Variants in SCN7A observed in about 807,000 individuals in gnomAD.
SCN7A encodes the protein sodium channel protein type 7 subunit alpha.
In SCN7A, 138 loss-of-function variants were observed where a neutral mutation model predicts 155.2. That is an observed-to-expected ratio of 0.89 (90% CI 0.77 to 1.02). The LOEUF is 1.02. Ranked by LOEUF, SCN7A falls within the 50% of genes least tolerant of loss-of-function variation. The probability of loss-of-function intolerance (pLI) is 0.00; values close to 1 mark genes in which losing one functional copy is unlikely to be tolerated. For synonymous variants in SCN7A, 693 were observed against 649.0 expected, an observed-to-expected ratio of 1.07 and a Z score of -1.03; for missense variants, 2,058 against 1,986.6, an observed-to-expected ratio of 1.04 and a Z score of -0.68.
intron 1 of SCN7A, among the ~76,000 whole-genome samples, chr2:166,491,044 G>A (rs954909703): frequency 1.3e-5 from 2 of 152,124 alleles, no homozygotes; most frequent in Admixed American, 6.6e-5. Flanking sequence ...AGACCATGTC[G>A]CCTCTGGGAG....
chr2:166,422,998 T>C (rs569803527), intron 19 of SCN7A, among the ~76,000 whole-genome samples: 19 of 152,284 alleles, frequency 1.2e-4, no homozygotes, highest in African/African-American at 4.3e-4. Context: ...ATCAAGATAC[T>C]GTGCAACAAA....
chr2:166,411,896 G>C (rs1011642776), intron 23 of SCN7A, among the ~76,000 whole-genome samples: 3 of 151,972 alleles, frequency 2.0e-5, no homozygotes, highest in African/African-American at 7.2e-5. Context: ...GACTTTTTTG[G>C]AAGGCTTCCC....
In SCN7A at chr2:166,421,226, C is replaced by A; in HGVS notation, c.3099G>T (p.Arg1033=). 1 of 1,534,874 alleles carries A rather than the reference C, an allele frequency of 6.5e-7. No individual in the cohort carries two copies. The highest frequency in any genetic ancestry group is 8.8e-7 in the Non-Finnish European group (1 of 1,141,228). ...LKPLISMKFL[R]PLRVLSQFER... ...CAAATTGAGATAGAACTCTGAGGGG[C>A]CGAAGGAATTTCATGGAAATAAGAG... The change falls in exon 20 of 26, where the codon CGG becomes CGT. Residue 1033 remains arginine, a synonymous_variant. Transcript: ENST00000643258.
chr2:166,418,035 G>A (rs1249601669), intron 20 of SCN7A, among the ~76,000 whole-genome samples: 3 of 151,634 alleles, frequency 2.0e-5, no homozygotes, highest in Non-Finnish European at 4.4e-5. Flanking sequence ...TACGGCAAAT[G>A]CAAATCAGTT....
chr2:166,478,055 G>A (rs1702841200), intron 2 of SCN7A, among the ~76,000 whole-genome samples: 1 of 151,706 alleles, frequency 6.6e-6, no homozygotes, highest in Non-Finnish European at 1.5e-5. Context: ...TTCCCTGTGA[G>A]ACATATTTAA....
intron 21 of SCN7A, among the ~76,000 whole-genome samples, chr2:166,413,792 G>A (rs534974719): frequency 2.0e-5 from 3 of 150,352 alleles, no homozygotes; most frequent in Non-Finnish European, 3.0e-5. Flanking sequence ...TAGCCTCCCA[G>A]CCTATATTTT....
intron 16 of SCN7A, among the ~76,000 whole-genome samples, chr2:166,431,035 A>T (rs1301295807): frequency 6.6e-6 from 1 of 152,106 alleles, no homozygotes; most frequent in African/African-American, 2.4e-5. Flanking sequence ...ATTTACAGTT[A>T]TTTTAAGTTA....
chr2:166,466,715 T>C (rs1016240647), intron 7 of SCN7A, among the ~76,000 whole-genome samples: 8 of 152,036 alleles, frequency 5.3e-5, no homozygotes, highest in Non-Finnish European at 8.8e-5. Context: ...GCTCTCTTAT[T>C]TGCTAGTCTG....
rs769476897 is a variant in SCN7A, at chr2:166,406,501, G to A, written c.4128C>T (p.Ser1376=). ...FHNLMLPLML[S]LPALLNIILL... is the part of the protein sequence containing the mutation. ...GAATGATGTTCAATAATGCTGGGAG[G>A]GACAGCATCAAAGGAAGCATCAGAT... Residue 1376 remains serine (S), a synonymous_variant, in exon 26 of 26, where the codon TCC becomes TCT. Coordinates refer to ENST00000643258, the MANE Select transcript of SCN7A (RefSeq NM_002976.4). 3 of 1,612,686 alleles carry A rather than the reference G, an allele frequency of 1.9e-6. No individual in the cohort carries two copies. The highest frequency in any genetic ancestry group is 2.5e-6 in the Non-Finnish European group (3 of 1,179,196).
At chr2:166,438,058 G>A (rs1371386567) in intron 15 of SCN7A, among the ~76,000 whole-genome samples, 1 of 152,168 alleles carries the variant, frequency 6.6e-6, no homozygotes, top group Non-Finnish European at 1.5e-5. Context: ...GGAAGGGCCA[G>A]GGGTGGAATG....
chr2:166,429,123 T>C, intron 17 of SCN7A, 46 bp downstream of exon 17: 1 of 1,096,524 alleles, frequency 9.1e-7, no homozygotes, highest in Non-Finnish European at 1.3e-6. Context: ...TTTGACAACT[T>C]ATAATTCAAA....
chr2:166,441,574 A>C lies in SCN7A; in HGVS notation c.1979T>G (p.Ile660Arg). 1 of 1,614,086 alleles carries C rather than the reference A, an allele frequency of 6.2e-7. No individual in the cohort carries two copies. The highest frequency in any genetic ancestry group is 8.5e-7 in the Non-Finnish European group (1 of 1,179,956). The stretch of plus-strand genomic sequence containing the variant: ...GCGTGGGAGTTGACAGTCTTTGTCT[A>C]TGTGGCAGACAAATTCTTCATAATT... ...GKNYEEFVCH[I>R]DKDCQLPRWH... The change falls in exon 15 of 26, where the codon ATA becomes AGA. Residue 660 changes from isoleucine to arginine, a missense_variant. By Grantham distance (97) the Ile-to-Arg change is moderately conservative (BLOSUM62 -3). Coordinates refer to ENST00000643258, the MANE Select transcript of SCN7A (RefSeq NM_002976.4).
chr2:166,427,799 T>G lies in SCN7A; in HGVS notation c.2842A>C (p.Thr948Pro). The stretch of plus-strand genomic sequence containing the variant: ...GGCTGCCCACTTACCAGAGTGCCAG[T>G]GCTGAGCAGAGTAACAAGCCCAATA... ...CFIGLVTLLS[T>P]GTLAFEDIYM... Residue 948 changes from threonine (T) to proline (P), a missense_variant, in exon 18 of 26, where the codon ACT (threonine) becomes CCT (proline). Transcript: ENST00000643258. The G allele has an allele frequency of 1.2e-6, 2 of 1,610,592 alleles. No individual in the cohort carries two copies. Among genetic ancestry groups the G allele is most frequent in the Non-Finnish European group, 1.7e-6 (2 of 1,178,270 alleles).
chr2:166,430,476 A>G (rs1701711191), intron 16 of SCN7A, among the ~76,000 whole-genome samples: 1 of 151,930 alleles, frequency 6.6e-6, no homozygotes, highest in Admixed American at 6.6e-5. Context: ...ATTTGACAGT[A>G]ATTAAAATTA....
At chr2:166,477,808 G>T in intron 2 of SCN7A, 98 bp from the exon 3 acceptor site, 1 of 645,990 alleles carries the variant, frequency 1.5e-6, no homozygotes, top group Non-Finnish European at 2.4e-6. Context: ...CTGAATGTAT[G>T]CATTTAAAGA....
At chr2:166,415,272 T>C (rs1443469378) in intron 21 of SCN7A, among the ~76,000 whole-genome samples, 1 of 150,420 alleles carries the variant, frequency 6.6e-6, no homozygotes, top group Non-Finnish European at 1.5e-5. Context: ...GTCACCAGAC[T>C]GGAGAGCAGT....
intron 17 of SCN7A, 87 bp downstream of exon 17, chr2:166,429,082 G>T: frequency 1.6e-6 from 1 of 634,696 alleles, no homozygotes; most frequent in South Asian, 2.6e-5. Context: ...TCAGTCAATT[G>T]ACTGACATAC....
rs967530496 is a variant in SCN7A at position 166,409,683 on chromosome 2, C to G, written c.3964G>C (p.Val1322Leu). The change falls in exon 25 of 26, where the codon GTT (valine) becomes CTT (leucine). Residue 1322 changes from valine (V) to leucine (L), a missense_variant. Physicochemically the swap from Val to Leu is conservative, Grantham distance 32. Coordinates refer to ENST00000643258, the MANE Select transcript of SCN7A (RefSeq NM_002976.4). ...ATCTTACCTGTGATGGAGAAAATAA[C>G]CACCATAAAATCAAAAATGTTCCAC... ...IAWNIFDFMVVIFSITGLCLP... is the reference protein window; with the variant it reads ...IAWNIFDFMVLIFSITGLCLP... 4 of 1,515,320 alleles carry G rather than the reference C, an allele frequency of 2.6e-6. No individual in the cohort carries two copies. Among genetic ancestry groups the G allele is most frequent in the Non-Finnish European group, 3.5e-6 (4 of 1,134,114 alleles). The allele number at this position is 1,515,320 out of a possible 1,614,324, so 93.9% of individuals were successfully genotyped here. A position where few individuals can be genotyped will look rare whatever the true frequency, so the allele number is the denominator to read the frequency against.
intron 3 of SCN7A, among the ~76,000 whole-genome samples, chr2:166,476,181 C>T (rs1036178680): frequency 1.1e-4 from 17 of 151,716 alleles, no homozygotes; most frequent in African/African-American, 3.9e-4. Flanking sequence ...GGAGGCTACC[C>T]GAGATACTGC....
Sources: allele counts gnomAD v4.1 joint callset (sites outside exome capture counted in the v4.1 genomes callset), GRCh38; gene constraint gnomAD v4.1.1; transcripts MANE v1.5; gene names NCBI Gene and HGNC (gene_info 2026-07-23, HGNC 2026-07-21).